The following HEATR5A variants were observed in gnomAD, a reference collection of about 807,000 sequenced individuals.
The protein encoded by HEATR5A is HEAT repeat-containing protein 5A.
HEATR5A carries 178 observed loss-of-function variants against 218.8 expected under a neutral mutation model. The observed-to-expected ratio is 0.81, with a 90% confidence interval of 0.72 to 0.92. HEATR5A has a LOEUF of 0.92. Ranked by LOEUF, HEATR5A falls within the 40% of genes least tolerant of loss-of-function variation. HEATR5A has a pLI of 0.00. For synonymous variants in HEATR5A, 864 were observed against 871.6 expected (o/e 0.99, Z 0.15); for missense variants, 2,420 against 2,418.9 (o/e 1.00, Z -0.01).
At chr14:31,412,663 G>A (rs2031315806) in intron 1 of HEATR5A, among the ~76,000 whole-genome samples, 1 of 152,102 alleles carries the variant, frequency 6.6e-6, no homozygotes, top group Non-Finnish European at 1.5e-5. Context: ...GGCTGAAGCA[G>A]GCGGATCACC....
chr14:31,348,314 G>A (rs991647942), intron 18 of HEATR5A, among the ~76,000 whole-genome samples: 8 of 152,076 alleles, frequency 5.3e-5, no homozygotes, highest in Admixed American at 4.6e-4. Context: ...GGTAGCTCAC[G>A]CCTGTACTCT....
chr14:31,312,336 A>G (rs1017185132), intron 28 of HEATR5A, among the ~76,000 whole-genome samples: 1 of 152,202 alleles, frequency 6.6e-6, no homozygotes, highest in African/African-American at 2.4e-5. Context: ...AATATTTCAT[A>G]GCCATCAGAT....
At chr14:31,332,004 AC>A (rs1267769900) in intron 22 of HEATR5A, among the ~76,000 whole-genome samples, 1 of 152,164 alleles carries the variant, frequency 6.6e-6, no homozygotes, top group Admixed American at 6.5e-5. Flanking sequence ...GGAAATGCAA[AC>A]TTAAGTATTT....
intron 1 of HEATR5A, among the ~76,000 whole-genome samples, chr14:31,407,602 A>ATATATATATT (rs1566785447): frequency 7.2e-3 from 7 of 968 alleles, no homozygotes; most frequent in Admixed American, 0.016. Context: ...ATATATATAT[A>ATATATATATT]TATATATATA....
At chr14:31,409,898 C>T (rs773505766) in intron 1 of HEATR5A, among the ~76,000 whole-genome samples, 11 of 152,086 alleles carry the variant, frequency 7.2e-5, no homozygotes, top group Non-Finnish European at 1.6e-4. Context: ...TTGGTATGGA[C>T]GGAAACATAT....
chr14:31,382,522 T>G (rs2139275291), intron 10 of HEATR5A, among the ~76,000 whole-genome samples: 1 of 152,258 alleles, frequency 6.6e-6, no homozygotes, highest in African/African-American at 2.4e-5. Flanking sequence ...CTCTGACAAC[T>G]TACAATTCCT....
At position 31,326,230 on chromosome 14, in the gene HEATR5A, T is replaced by G. The variant is rs758123509; in HGVS notation, c.3480A>C (p.Thr1160=). 1 of 1,613,180 alleles carries G rather than the reference T, an allele frequency of 6.2e-7. No individual in the cohort carries two copies. The highest frequency in any genetic ancestry group is 1.1e-5 in the South Asian group (1 of 91,068). Residue 1160 remains threonine, a synonymous_variant, in exon 23 of 36, where the codon ACA becomes ACC. Coordinates refer to ENST00000543095, the MANE Select transcript of HEATR5A (RefSeq NM_015473.4). ...DIKETLNYML[T]SMAVEKLSLW... is the part of the protein sequence containing the mutation. The stretch of plus-strand genomic sequence containing the variant: ...GGGAGAGTTTTTCCACTGCCATAGA[T>G]GTAAGCATATAATTTAAAGTCTCTT...
chr14:31,344,112 T>C (rs1900933524), intron 20 of HEATR5A, 47 bp from the exon 21 acceptor site: 3 of 1,169,136 alleles, frequency 2.6e-6, no homozygotes, highest in Non-Finnish European at 2.3e-6. Flanking sequence ...TATAAAAACA[T>C]TACTCTTTAA....
At chr14:31,327,277 C>T (rs1244391949) in intron 22 of HEATR5A, among the ~76,000 whole-genome samples, 2 of 141,962 alleles carry the variant, frequency 1.4e-5, no homozygotes, top group Admixed American at 7.5e-5. Flanking sequence ...TGCCCAGCCT[C>T]CAGTGGCACT....
chr14:31,352,893 T>G (rs1009751544), intron 16 of HEATR5A, among the ~76,000 whole-genome samples: 2 of 151,778 alleles, frequency 1.3e-5, no homozygotes, highest in Non-Finnish European at 2.9e-5. Flanking sequence ...AGAGTGGAGG[T>G]TGCAGTGAGC....
chr14:31,385,120 A>G (rs2030161491), intron 9 of HEATR5A, among the ~76,000 whole-genome samples: 1 of 152,120 alleles, frequency 6.6e-6, no homozygotes. Context: ...CACGAAGGAT[A>G]AAAGCCATAA....
At chr14:31,328,583 A>T (rs1034341148) in intron 22 of HEATR5A, among the ~76,000 whole-genome samples, 1 of 152,124 alleles carries the variant, frequency 6.6e-6, no homozygotes, top group African/African-American at 2.4e-5. Context: ...TAATTTATTT[A>T]AAAAAGAGGT....
At chr14:31,411,332 T>TA (rs11443166) in intron 1 of HEATR5A, among the ~76,000 whole-genome samples, 148,475 of 152,226 alleles carry the variant, frequency 0.98, 72,493 homozygotes, top group Middle Eastern at 1. Context: ...GAGAAATGGT[T>TA]AAATTTGACA....
chr14:31,324,850 G>T (rs560184518), intron 23 of HEATR5A, among the ~76,000 whole-genome samples: 1 of 152,024 alleles, frequency 6.6e-6, no homozygotes, highest in Non-Finnish European at 1.5e-5. Flanking sequence ...TATGTAAAGC[G>T]TAATAGTTGA....
chr14:31,303,497 C>A (rs1899455532), intron 32 of HEATR5A, among the ~76,000 whole-genome samples: 1 of 152,104 alleles, frequency 6.6e-6, no homozygotes, highest in Non-Finnish European at 1.5e-5. Flanking sequence ...AATTAAGAAG[C>A]ATCTACTAGG....
intron 21 of HEATR5A, among the ~76,000 whole-genome samples, chr14:31,343,623 T>C (rs1255013898): frequency 1.3e-5 from 2 of 152,148 alleles, no homozygotes; most frequent in Admixed American, 1.3e-4. Flanking sequence ...ACATGGGACA[T>C]TATAAGCACA....
At chr14:31,403,570 C>A (rs2030953227) in intron 1 of HEATR5A, among the ~76,000 whole-genome samples, 2 of 152,218 alleles carry the variant, frequency 1.3e-5, no homozygotes, top group Non-Finnish European at 1.5e-5. Context: ...CTAATAAAGG[C>A]ATTGCTTATA....
rs1370538249 is a variant in HEATR5A, at chr14:31,395,248, C to G, written c.548G>C (p.Arg183Thr). ...CATGGATCTATCTGTCAAGCAGGAT[C>G]TAGCAGCTTTATAAACATCCCTGTG... is the stretch of plus-strand genomic sequence containing the variant. ...PCHRDVYKAA[R>T]SCLTDRSMAV... Residue 183 changes from arginine to threonine, a missense_variant, in exon 5 of 36, where the codon AGA (arginine) becomes ACA (threonine). Physicochemically the swap from Arg to Thr is moderately conservative, Grantham distance 71 (BLOSUM62 -1). Coordinates refer to ENST00000543095, the MANE Select transcript of HEATR5A (RefSeq NM_015473.4). The G allele has an allele frequency of 1.3e-6, 2 of 1,534,210 alleles. No individual in the cohort carries two copies. Among genetic ancestry groups the G allele is most frequent in the East Asian group, 4.9e-5 (2 of 40,904 alleles).
intron 27 of HEATR5A, among the ~76,000 whole-genome samples, chr14:31,314,787 A>G (rs1461637082): frequency 1.3e-5 from 2 of 152,172 alleles, no homozygotes; most frequent in East Asian, 3.8e-4. Flanking sequence ...TACAACTTTC[A>G]GGTTTAAAAT....
Sources: allele counts gnomAD v4.1 joint callset (sites outside exome capture counted in the v4.1 genomes callset), GRCh38; gene constraint gnomAD v4.1.1; transcripts MANE v1.5; gene names NCBI Gene and HGNC (gene_info 2026-07-23, HGNC 2026-07-21).